NDUFB10: variants seen among roughly 807,000 people sequenced by gnomAD.
The protein encoded by NDUFB10 is NADH:ubiquinone oxidoreductase subunit B10.
In NDUFB10, 23 loss-of-function variants were observed where a neutral mutation model predicts 19.0. That is an observed-to-expected ratio of 1.21 (90% CI 0.87 to 1.71). NDUFB10 has a LOEUF of 1.71. Ranked by LOEUF, NDUFB10 falls within the 40% of genes most tolerant of loss-of-function variation. NDUFB10 has a pLI of 0.00. For synonymous variants in NDUFB10, 104 were observed against 81.8 expected (o/e 1.27, Z -1.46); for missense variants, 312 against 230.6 (o/e 1.35, Z -2.29).
chr16:1,961,641 G>C lies in NDUFB10; in HGVS notation c.409+5G>C, dbSNP rs769595304. On this transcript the variant is annotated splice_donor_5th_base_variant and intron_variant, in intron 3 of 3. Coordinates refer to ENST00000268668, the MANE Select transcript of NDUFB10 (RefSeq NM_004548.3). Reference sequence around the variant, plus strand: ...CCAAGGCCTACCAGGACCGCTGTGCGTGCCCCACCCACCCCCAACCCCCCA... The same window carrying C: ...CCAAGGCCTACCAGGACCGCTGTGCCTGCCCCACCCACCCCCAACCCCCCA... 3 of 1,600,374 alleles carry C rather than the reference G, an allele frequency of 1.9e-6. No individual in the cohort carries two copies. Among genetic ancestry groups the C allele is most frequent in the Middle Eastern group, 2.2e-4 (1 of 4,540 alleles).
In NDUFB10 at chr16:1,961,955, A is replaced by G; in HGVS notation, c.*49A>G. The G allele has an allele frequency of 6.6e-7, 1 of 1,520,206 alleles. No individual in the cohort carries two copies. Among genetic ancestry groups the G allele is most frequent in the Non-Finnish European group, 8.9e-7 (1 of 1,119,708 alleles). 94.2% of individuals were successfully genotyped at this position (1,520,206 alleles called of 1,614,324 possible). A position where few individuals can be genotyped will look rare whatever the true frequency, so the allele number is the denominator to read the frequency against. On this transcript the variant is annotated 3_prime_UTR_variant, in exon 4 of 4. Coordinates refer to ENST00000268668, the MANE Select transcript of NDUFB10 (RefSeq NM_004548.3). ...TGTGGCTCTGTATGACTGTTGCTGAAATATAAAGCCCTGCAACCTGCCTGT... is the reference window on the plus strand; with the variant it reads ...TGTGGCTCTGTATGACTGTTGCTGAGATATAAAGCCCTGCAACCTGCCTGT...
In NDUFB10 at chr16:1,959,608, C is replaced by T. The variant is rs761387491; in HGVS notation, c.-17C>T. On this transcript the variant is annotated 5_prime_UTR_variant, in exon 1 of 4. Transcript: ENST00000268668. ...AGGGCAGCGCGTCCGGGAGCGGAGT[C>T]CGCGCCCGCCGCCGCCATGCCGGAC... 6.2e-7 allele frequency: 1 copy of T among 1,601,962 alleles called. No homozygotes were observed. The highest frequency in any genetic ancestry group is 1.1e-5 in the South Asian group (1 of 90,048).
At chr16:1,961,080 T>G (rs1037156350) in intron 1 of NDUFB10, 73 bp from the exon 2 acceptor site, 5 of 1,560,612 alleles carry the variant, frequency 3.2e-6, no homozygotes, top group Non-Finnish European at 3.5e-6. Flanking sequence ...TCCAAAGGGC[T>G]TATGAGAAAT....
chr16:1,961,509 A>G lies in NDUFB10; in HGVS notation c.282A>G (p.Gln94=). ...MQWKRDYKVD[Q]EIINIMQDRL... ...TTTTCTCCACCAGCAAAGTCGACCA[A>G]GAAATTATCAACATTATGCAGGATC... Residue 94 remains glutamine, a synonymous_variant, in exon 3 of 4, where the codon CAA becomes CAG. Transcript: ENST00000268668. The G allele has an allele frequency of 6.2e-7, 1 of 1,614,042 alleles. No individual in the cohort carries two copies. Among genetic ancestry groups the G allele is most frequent in the South Asian group, 1.1e-5 (1 of 91,082 alleles).
At position 1,961,855 on chromosome 16, in the gene NDUFB10, G is replaced by A. The variant is rs1218918588; in HGVS notation, c.468G>A (p.Arg156=). Residue 156 remains arginine, a synonymous_variant, in exon 4 of 4, where the codon AGG becomes AGA. Transcript: ENST00000268668. ...AGTGCCTGGCCAAACAGAGGCAGAGGATGCTGCAAGAGAGAAAAGCTGCAA... is the reference window on the plus strand; with the variant it reads ...AGTGCCTGGCCAAACAGAGGCAGAGAATGCTGCAAGAGAGAAAAGCTGCAA... ...ARKCLAKQRQ[R]MLQERKAAKE... 1.9e-6 allele frequency: 3 copies of A among 1,565,472 alleles called. No individual in the cohort carries two copies. Among genetic ancestry groups the A allele is most frequent in the Non-Finnish European group, 2.6e-6 (3 of 1,154,510 alleles).
chr16:1,960,225 G>GT (rs57356094), intron 1 of NDUFB10, among the ~76,000 whole-genome samples: 124,143 of 146,788 alleles, frequency 0.85, 52,748 homozygotes, highest in African/African-American at 0.93. Context: ...AGTTTTTGTT[G>GT]TTTTTTTTTT....
chr16:1,961,024 C>CCACATCCCTTAG, intron 1 of NDUFB10, 129 bp from the exon 2 acceptor site: 1 of 1,164,640 alleles, frequency 8.6e-7, no homozygotes. Flanking sequence ...AGACGAATTG[C>CCACATCCCTTAG]TGTTTTCTAA....
Position 1,959,650 on chromosome 16 carries a change from T to G in NDUFB10, c.26T>G (p.Val9Gly). ...ATGCCGGACAGCTGGGACAAGGATG[T>G]GTACCCTGAGCCCCCGCGCCGCACG... MPDSWDKD[V>G]YPEPPRRTPV... Residue 9 changes from valine (V) to glycine (G), a missense_variant, in exon 1 of 4, where the codon GTG becomes GGG. Physicochemically the swap from Val to Gly is moderately radical, Grantham distance 109 (BLOSUM62 -3). Coordinates refer to ENST00000268668, the MANE Select transcript of NDUFB10 (RefSeq NM_004548.3). The G allele has an allele frequency of 6.2e-7, 1 of 1,612,542 alleles. No homozygotes were observed. The highest frequency in any genetic ancestry group is 8.5e-7 in the Non-Finnish European group (1 of 1,179,522).
At chr16:1,960,959 A>C (rs558228707) in intron 1 of NDUFB10, among the ~76,000 whole-genome samples, 194 bp from the exon 2 acceptor site, 1 of 152,348 alleles carries the variant, frequency 6.6e-6, no homozygotes, top group East Asian at 1.9e-4. Flanking sequence ...GGAGCTCTCC[A>C]TCAGCTGTAG....
intron 1 of NDUFB10, 36 bp downstream of exon 1, chr16:1,959,790 T>A (rs750822559): frequency 6.2e-7 from 1 of 1,610,382 alleles, no homozygotes; most frequent in African/African-American, 1.3e-5. Flanking sequence ...CTCGCCGGCC[T>A]CTGGGGACCC....
rs371048972 is a variant in NDUFB10, at chr16:1,961,909, C to T, written c.*3C>T. ...AGGCCGCCGCTGCCACCTCCTGAGG[C>T]AGCTGTGGGTGCCCCTGCTGTGTGG... On this transcript the variant is annotated 3_prime_UTR_variant, in exon 4 of 4. Coordinates refer to ENST00000268668, the MANE Select transcript of NDUFB10 (RefSeq NM_004548.3). 17 of 1,556,354 alleles carry T rather than the reference C, an allele frequency of 1.1e-5. No individual in the cohort carries two copies. Among genetic ancestry groups the T allele is most frequent in the African/African-American group, 2.7e-5 (2 of 73,480 alleles).
At chr16:1,960,067 G>A (rs2083243158) in intron 1 of NDUFB10, among the ~76,000 whole-genome samples, 1 of 150,710 alleles carries the variant, frequency 6.6e-6, no homozygotes, top group East Asian at 2.0e-4. Context: ...ACTGCTCTCC[G>A]CCCCCCGCCG....
rs779897644 is a variant in NDUFB10, at chr16:1,961,831, G to A, written c.444G>A (p.Lys148=). Residue 148 remains lysine (K), a synonymous_variant, in exon 4 of 4, where the codon AAG becomes AAA. Transcript: ENST00000268668. The part of the protein sequence containing the change: ...QDLGAYSSAR[K]CLAKQRQRML... ...TGGGGGCCTACAGTTCTGCCAGGAAGTGCCTGGCCAAACAGAGGCAGAGGA... is the reference window on the plus strand; with the variant it reads ...TGGGGGCCTACAGTTCTGCCAGGAAATGCCTGGCCAAACAGAGGCAGAGGA... The A allele has an allele frequency of 7.7e-6, 12 of 1,561,890 alleles. No homozygotes were observed. Among genetic ancestry groups the A allele is most frequent in the Admixed American group, 5.8e-5 (3 of 51,930 alleles).
At chr16:1,961,061 TCTCTCCC>T in intron 1 of NDUFB10, 85 bp from the exon 2 acceptor site, 1 of 1,469,388 alleles carries the variant, frequency 6.8e-7, no homozygotes, top group East Asian at 2.3e-5. Flanking sequence ...GAAGTTCTCC[TCTCTCCC>T]CTCCAAAGGG....
chr16:1,961,005 C>A, intron 1 of NDUFB10, 148 bp from the exon 2 acceptor site: 1 of 993,136 alleles, frequency 1.0e-6, no homozygotes, highest in Non-Finnish European at 1.5e-6. Context: ...CTGGCCACAT[C>A]CCTTAGAGAG....
At chr16:1,960,346 C>G (rs1041035540) in intron 1 of NDUFB10, among the ~76,000 whole-genome samples, 1 of 152,118 alleles carries the variant, frequency 6.6e-6, no homozygotes, top group African/African-American at 2.4e-5. Flanking sequence ...CCTCAGCCTC[C>G]CCAGTACTAG....
chr16:1,961,624 T>C lies in NDUFB10; in HGVS notation c.397T>C (p.Tyr133His). The change falls in exon 3 of 4, where the codon TAC becomes CAC. Residue 133 changes from tyrosine (Y) to histidine (H), a missense_variant. By Grantham distance (83) the Tyr-to-His change is moderately conservative (BLOSUM62 2). Transcript: ENST00000268668. ...GCAGTTCACCCAGGTGGCCAAGGCCTACCAGGACCGCTGTGCGTGCCCCAC... is the reference window on the plus strand; with the variant it reads ...GCAGTTCACCCAGGTGGCCAAGGCCCACCAGGACCGCTGTGCGTGCCCCAC... ...VEQFTQVAKAYQDRYQDLGAY... is the reference protein window; with the variant it reads ...VEQFTQVAKAHQDRYQDLGAY... 1 of 1,612,932 alleles carries C rather than the reference T, an allele frequency of 6.2e-7. No homozygotes were observed. The highest frequency in any genetic ancestry group is 8.5e-7 in the Non-Finnish European group (1 of 1,179,876).
rs1284669548 is a variant in NDUFB10, at chr16:1,959,573, G to A, written c.-52G>A. On this transcript the variant is annotated 5_prime_UTR_variant, in exon 1 of 4. Transcript: ENST00000268668. Reference sequence around the variant, plus strand: ...ACCTAGGCCGCGGGACCCGGACGGAGGTAGAGGCCAGGGCAGCGCGTCCGG... The same window carrying A: ...ACCTAGGCCGCGGGACCCGGACGGAAGTAGAGGCCAGGGCAGCGCGTCCGG... 25 of 1,559,750 alleles carry A rather than the reference G, an allele frequency of 1.6e-5. No individual in the cohort carries two copies. The highest frequency in any genetic ancestry group is 3.5e-5 in the South Asian group (3 of 86,438).
Position 1,959,677 on chromosome 16 carries a change from C to T in NDUFB10, c.53C>T (p.Pro18Leu), listed in dbSNP as rs2083240750. The change falls in exon 1 of 4, where the codon CCG becomes CTG. Residue 18 changes from proline (P) to leucine (L), a missense_variant. Transcript: ENST00000268668. ...TACCCTGAGCCCCCGCGCCGCACGC[C>T]GGTGCAGCCCAATCCCATCGTCTAC... The part of the protein sequence containing the change: ...DVYPEPPRRT[P>L]VQPNPIVYMM... 2.5e-6 allele frequency: 4 copies of T among 1,613,296 alleles called. No individual in the cohort carries two copies. The highest frequency in any genetic ancestry group is 2.5e-6 in the Non-Finnish European group (3 of 1,179,758).
Sources: gnomAD v4.1 joint callset for allele counts (sites outside exome capture counted in the v4.1 genomes callset) on GRCh38, gnomAD v4.1.1 for gene constraint, MANE v1.5 for transcripts, NCBI Gene and HGNC (gene_info 2026-07-23, HGNC 2026-07-21) for gene names.